The following PREP variants were observed in gnomAD, a reference collection of about 807,000 sequenced individuals.
The protein encoded by PREP is dJ355L5.1 (prolyl endopeptidase).
PREP carries 29 observed loss-of-function variants against 87.6 expected under a neutral mutation model. That is an observed-to-expected ratio of 0.33 (90% CI 0.25 to 0.45). The LOEUF (loss-of-function observed/expected upper bound fraction) is 0.45. PREP is among the 20% of genes least tolerant of loss of function. PREP has a pLI of 1.00. For synonymous variants in PREP, 337 were observed against 328.6 expected, an observed-to-expected ratio of 1.03 and a Z score of -0.28; for missense variants, 695 against 886.5, an observed-to-expected ratio of 0.78 and a Z score of 2.74.
intron 7 of PREP, among the ~76,000 whole-genome samples, chr6:105,340,441 C>T (rs1253230248): frequency 1.3e-5 from 2 of 152,036 alleles, no homozygotes; most frequent in Admixed American, 6.6e-5. Context: ...CAAAAACATG[C>T]CAAATTGTAA....
At chr6:105,356,376 A>ACT (rs999758997) in intron 6 of PREP, among the ~76,000 whole-genome samples, 33 of 152,082 alleles carry the variant, frequency 2.2e-4, no homozygotes, top group African/African-American at 7.7e-4. Flanking sequence ...GCTGTTTTAA[A>ACT]CCTTTGGGAG....
At chr6:105,391,147 GCCT>G (rs139352658) in intron 2 of PREP, among the ~76,000 whole-genome samples, 1 of 56,636 alleles carries the variant, frequency 1.8e-5, no homozygotes, top group African/African-American at 3.9e-4. Context: ...GAGGGCTGAG[GCCT>G]CAAGTGGATC....
intron 2 of PREP, among the ~76,000 whole-genome samples, chr6:105,381,323 T>C (rs1772831418): frequency 6.6e-6 from 1 of 152,166 alleles, no homozygotes; most frequent in South Asian, 2.1e-4. Context: ...TAGGGTTACA[T>C]AAATGCCAAT....
chr6:105,340,089 A>T (rs1461105374), intron 7 of PREP, among the ~76,000 whole-genome samples: 2 of 149,486 alleles, frequency 1.3e-5, no homozygotes, highest in Admixed American at 6.6e-5. Context: ...GCACATAATT[A>T]TCAGATTCAC....
chr6:105,352,361 T>C (rs1771980527), intron 7 of PREP, among the ~76,000 whole-genome samples: 1 of 152,152 alleles, frequency 6.6e-6, no homozygotes, highest in Admixed American at 6.5e-5. Context: ...AATTTGTAAC[T>C]GGCTGGTTCT....
intron 12 of PREP, among the ~76,000 whole-genome samples, chr6:105,284,551 G>A (rs1770149995): frequency 6.6e-6 from 1 of 151,930 alleles, no homozygotes; most frequent in Non-Finnish European, 1.5e-5. Context: ...ACCTGGAGCT[G>A]CTGACCAGCC....
chr6:105,323,181 G>A (rs1771058082), intron 10 of PREP: 5 of 1,155,586 alleles, frequency 4.3e-6, no homozygotes, highest in Non-Finnish European at 5.9e-6. Context: ...GTGGTGACAT[G>A]ACAATTAATT....
At chr6:105,302,606 T>C in intron 10 of PREP, 1 of 443,622 alleles carries the variant, frequency 2.3e-6, no homozygotes, top group Non-Finnish European at 4.4e-6. Context: ...CTTGCCCTTG[T>C]AGAATTTCCT....
Position 105,274,224 on chromosome 6 carries a change from G to T in PREP, c.*3920C>A, listed in dbSNP as rs773369681. 6.6e-6 allele frequency among the ~76,000 whole-genome samples: 1 copy of T among 151,698 alleles called. No homozygotes were observed. The highest frequency in any genetic ancestry group is 1.5e-5 in the Non-Finnish European group (1 of 67,962). ...AGATCAAGGCACTGGCAGATTTGGTGTCTAATGAGGGTTGCTTCCTGGTTC... is the reference window on the plus strand; with the variant it reads ...AGATCAAGGCACTGGCAGATTTGGTTTCTAATGAGGGTTGCTTCCTGGTTC... On this transcript the variant is annotated 3_prime_UTR_variant, in exon 15 of 15. Transcript: ENST00000652536.
At chr6:105,395,887 G>C (rs919545174) in intron 2 of PREP, among the ~76,000 whole-genome samples, 4 of 152,158 alleles carry the variant, frequency 2.6e-5, no homozygotes, top group Non-Finnish European at 5.9e-5. Context: ...TCCTTTCCCT[G>C]GTGCTTTCTA....
intron 10 of PREP, among the ~76,000 whole-genome samples, chr6:105,309,234 T>C (rs1392199039): frequency 6.6e-6 from 1 of 152,080 alleles, no homozygotes; most frequent in Admixed American, 6.5e-5. Flanking sequence ...CTTTATCCTA[T>C]GAAAAAATGG....
intron 2 of PREP, among the ~76,000 whole-genome samples, chr6:105,379,993 A>T (rs913945432): frequency 2.0e-5 from 3 of 152,244 alleles, no homozygotes; most frequent in African/African-American, 4.8e-5. Context: ...AAGAGTGCAG[A>T]AAACAAGAGT....
chr6:105,311,238 T>C (rs1374598053), intron 10 of PREP, among the ~76,000 whole-genome samples: 2 of 152,316 alleles, frequency 1.3e-5, no homozygotes, highest in South Asian at 2.1e-4. Flanking sequence ...ATCAAAACCA[T>C]GTCTCTCTCC....
At chr6:105,344,823 T>C (rs1307553619) in intron 7 of PREP, among the ~76,000 whole-genome samples, 1 of 152,096 alleles carries the variant, frequency 6.6e-6, no homozygotes, top group Non-Finnish European at 1.5e-5. Flanking sequence ...AAACTGAAAG[T>C]ATAATTTAAT....
intron 9 of PREP, 56 bp from the exon 10 acceptor site, chr6:105,323,824 G>A: frequency 7.0e-7 from 1 of 1,431,164 alleles, no homozygotes; most frequent in Non-Finnish European, 9.8e-7. Flanking sequence ...ATTCAAAGGG[G>A]GCAAGGATCA....
intron 10 of PREP, among the ~76,000 whole-genome samples, chr6:105,316,959 AT>A (rs767753839): frequency 5.8e-3 from 807 of 139,496 alleles, no homozygotes; most frequent in African/African-American, 6.6e-3. Flanking sequence ...AGTCTAATTA[AT>A]TTTTTTTTTT....
chr6:105,326,236 G>A (rs1771155506), intron 9 of PREP, among the ~76,000 whole-genome samples: 2 of 152,160 alleles, frequency 1.3e-5, no homozygotes, highest in African/African-American at 4.8e-5. Context: ...ATATGGGACT[G>A]CTCTACTGGA....
rs186413675 is a variant in PREP at position 105,397,871 on chromosome 6, G to A, written c.102C>T (p.Pro34=). 4.5e-5 allele frequency: 73 copies of A among 1,611,532 alleles called. No individual in the cohort carries two copies. Among genetic ancestry groups the A allele is most frequent in the Middle Eastern group, 3.3e-4 (2 of 6,058 alleles). Residue 34 remains proline, a synonymous_variant, in exon 2 of 15, where the codon CCC becomes CCT. Transcript: ENST00000652536. ...AAATTACCTTAGTCTGTTCACTGTC[G>A]GGGTCTTCAAGCCAGGCGTAAGGGT... ...ICDPYAWLED[P]DSEQTKAFVE... is the part of the protein sequence containing the mutation.
intron 10 of PREP, among the ~76,000 whole-genome samples, chr6:105,319,392 T>C (rs1770948294): frequency 1.3e-5 from 2 of 152,234 alleles, no homozygotes; most frequent in African/African-American, 4.8e-5. Flanking sequence ...TAGACTCAGT[T>C]AAGTGTTCTT....
Sources: gnomAD v4.1 joint callset for allele counts (sites outside exome capture counted in the v4.1 genomes callset) on GRCh38, gnomAD v4.1.1 for gene constraint, MANE v1.5 for transcripts, NCBI Gene and HGNC (gene_info 2026-07-23, HGNC 2026-07-21) for gene names.